Variants in MCUB observed in about 807,000 individuals in gnomAD.
The protein encoded by MCUB is calcium uniporter regulatory subunit MCUb, mitochondrial.
MCUB carries 46 observed loss-of-function variants against 41.4 expected under a neutral mutation model. The ratio of observed to expected loss-of-function variants is 1.11; its 90% CI spans 0.88 to 1.42. MCUB has a LOEUF of 1.42. Among genes scored for constraint, MCUB ranks in the 40% most tolerant of loss-of-function variants. MCUB has a pLI of 0.00. For synonymous variants in MCUB, 148 were observed against 148.2 expected (o/e 1.00, Z 0.01); for missense variants, 403 against 404.9 (o/e 1.00, Z 0.04).
intron 1 of MCUB, among the ~76,000 whole-genome samples, chr4:109,592,409 CA>C (rs1049292419): frequency 9.6e-4 from 123 of 127,992 alleles, no homozygotes; most frequent in East Asian, 1.8e-3. Context: ...GACTCTGTCT[CA>C]AAAAAAAAAA....
chr4:109,650,487 C>A (rs766872503), intron 1 of MCUB, among the ~76,000 whole-genome samples: 20 of 151,890 alleles, frequency 1.3e-4, no homozygotes, highest in Admixed American at 8.5e-4. Flanking sequence ...ATTTTTTTTA[C>A]CCTGGCCTAC....
intron 4 of MCUB, among the ~76,000 whole-genome samples, chr4:109,670,719 C>CA (rs201042577): frequency 0.057 from 7,165 of 124,852 alleles, 488 homozygotes; most frequent in African/African-American, 0.17. Context: ...ACTCTGTCTC[C>CA]AAAAAAAAAA....
Position 109,656,650 on chromosome 4 carries a change from C to A in MCUB, c.100-2361C>A, listed in dbSNP as rs150816726. On this transcript the variant is annotated intron_variant, in intron 1 of 7. Coordinates refer to ENST00000394650, the MANE Select transcript of MCUB (RefSeq NM_017918.5). The stretch of plus-strand genomic sequence containing the variant: ...CCTCCCAAAGTGCTGGGATTATAGG[C>A]AGGAGCCATCACGCCTGGCCTACTC... Among the ~76,000 whole-genome samples, 1,070 of 152,172 alleles carry A rather than the reference C, an allele frequency of 7.0e-3. 7 individuals are homozygous for A. Among genetic ancestry groups the A allele is most frequent in the African/African-American group, 0.025 (1,022 of 41,526 alleles).
At chr4:109,563,801 T>C (rs1561209564) in intron 1 of MCUB, among the ~76,000 whole-genome samples, 1 of 152,210 alleles carries the variant, frequency 6.6e-6, no homozygotes, top group Non-Finnish European at 1.5e-5. Flanking sequence ...GTAGAAAACC[T>C]CGAGCTAAAA....
intron 1 of MCUB, among the ~76,000 whole-genome samples, chr4:109,587,870 A>G (rs557359540): frequency 1.3e-5 from 2 of 152,348 alleles, no homozygotes; most frequent in Non-Finnish European, 1.5e-5. Context: ...GTAAGTAATA[A>G]TTGGGCTGTC....
At chr4:109,626,758 A>AGCTGAG (rs1561232071) in intron 1 of MCUB, among the ~76,000 whole-genome samples, 1 of 108,304 alleles carries the variant, frequency 9.2e-6, no homozygotes, top group Non-Finnish European at 1.8e-5. Flanking sequence ...GGTTGCAGTG[A>AGCTGAG]GCTGAGATCA....
chr4:109,566,601 C>G (rs1726784565), intron 1 of MCUB, among the ~76,000 whole-genome samples: 2 of 152,152 alleles, frequency 1.3e-5, no homozygotes, highest in South Asian at 4.1e-4. Flanking sequence ...CTGACATTGA[C>G]AATATTTTGT....
intron 1 of MCUB, among the ~76,000 whole-genome samples, chr4:109,576,153 A>G (rs1437688671): frequency 1.3e-5 from 2 of 152,210 alleles, no homozygotes; most frequent in East Asian, 3.8e-4. Flanking sequence ...AGATAGGAGG[A>G]GACGAAATAC....
intron 3 of MCUB, among the ~76,000 whole-genome samples, chr4:109,663,614 T>G (rs1729275400): frequency 6.6e-6 from 1 of 152,192 alleles, no homozygotes; most frequent in African/African-American, 2.4e-5. Flanking sequence ...GCCCATGTGG[T>G]GATAGCTTGT....
At chr4:109,581,386 A>T (rs1334258070) in intron 1 of MCUB, among the ~76,000 whole-genome samples, 3 of 152,192 alleles carry the variant, frequency 2.0e-5, no homozygotes, top group East Asian at 1.9e-4. Context: ...TTAATTCAAG[A>T]TGGATTAAAG....
intron 3 of MCUB, among the ~76,000 whole-genome samples, chr4:109,662,485 T>C (rs1729250568): frequency 6.6e-6 from 1 of 152,114 alleles, no homozygotes; most frequent in Non-Finnish European, 1.5e-5. Flanking sequence ...AAAATAAAGT[T>C]AGTAGCTTTG....
chr4:109,676,249 C>T (rs563594453), intron 4 of MCUB, among the ~76,000 whole-genome samples: 33 of 152,064 alleles, frequency 2.2e-4, no homozygotes, highest in Non-Finnish European at 3.1e-4. Context: ...GTAGAAATAT[C>T]GATGGTAGGC....
At chr4:109,662,004 G>A (rs1729240970) in intron 3 of MCUB, among the ~76,000 whole-genome samples, 1 of 152,184 alleles carries the variant, frequency 6.6e-6, no homozygotes, top group South Asian at 2.1e-4. Flanking sequence ...CTGCACTCCA[G>A]CCTGAGTGAT....
At chr4:109,574,047 C>T (rs951529497) in intron 1 of MCUB, among the ~76,000 whole-genome samples, 6 of 151,370 alleles carry the variant, frequency 4.0e-5, no homozygotes, top group South Asian at 2.1e-4. Flanking sequence ...CTAATTTTTG[C>T]GTTTTTAGTA....
At chr4:109,593,852 A>G (rs1373161152) in intron 1 of MCUB, among the ~76,000 whole-genome samples, 1 of 152,170 alleles carries the variant, frequency 6.6e-6, no homozygotes. Flanking sequence ...ATTTAGCTCA[A>G]TTTCTCCCAG....
intron 4 of MCUB, among the ~76,000 whole-genome samples, chr4:109,681,038 G>A (rs1284239050): frequency 6.6e-6 from 1 of 152,230 alleles, no homozygotes; most frequent in Non-Finnish European, 1.5e-5. Context: ...TCCTGTAAGA[G>A]TTGAAAAATA....
intron 1 of MCUB, among the ~76,000 whole-genome samples, chr4:109,590,629 G>C (rs1727414640): frequency 6.6e-6 from 1 of 152,118 alleles, no homozygotes; most frequent in South Asian, 2.1e-4. Flanking sequence ...CTGTTAGCTG[G>C]TAAGTTTTAC....
chr4:109,673,815 C>T, intron 4 of MCUB: 2 of 710,072 alleles, frequency 2.8e-6, no homozygotes. Flanking sequence ...GGTTTTTTCG[C>T]TCTAGGGAGA....
intron 1 of MCUB, among the ~76,000 whole-genome samples, chr4:109,653,915 C>A (rs541709759): frequency 6.6e-6 from 1 of 152,148 alleles, no homozygotes; most frequent in East Asian, 1.9e-4. Flanking sequence ...TTTTTTGTTT[C>A]CAGGAATTCT....
Sources: allele counts gnomAD v4.1 joint callset (sites outside exome capture counted in the v4.1 genomes callset), GRCh38; gene constraint gnomAD v4.1.1; transcripts MANE v1.5; gene names NCBI Gene and HGNC (gene_info 2026-07-23, HGNC 2026-07-21).